PCDH9: variants seen among roughly 807,000 people sequenced by gnomAD.
The protein encoded by PCDH9 is protocadherin 9.
PCDH9 carries 24 observed loss-of-function variants against 70.6 expected under a neutral mutation model. That is an observed-to-expected ratio of 0.34 (90% CI 0.25 to 0.48). PCDH9 has a LOEUF of 0.48. Among genes scored for constraint, PCDH9 ranks in the 20% least tolerant of loss-of-function variants. PCDH9 has a pLI of 0.99. For missense variants in PCDH9, 1,281 were observed against 1,503.6 expected, an observed-to-expected ratio of 0.85 and a Z score of 2.45; for synonymous variants, 562 against 558.5, an observed-to-expected ratio of 1.01 and a Z score of -0.09.
intron 3 of PCDH9, among the ~76,000 whole-genome samples, chr13:66,808,909 C>G (rs980728143): frequency 6.6e-6 from 1 of 152,144 alleles, no homozygotes; most frequent in African/African-American, 2.4e-5. Context: ...TTTTGAGAAG[C>G]CCCACTAAAG....
chr13:67,194,476 GT>G (rs2089006038), intron 2 of PCDH9, among the ~76,000 whole-genome samples: 1 of 150,748 alleles, frequency 6.6e-6, no homozygotes, highest in Admixed American at 6.6e-5. Context: ...TTTAATATTT[GT>G]TCAGAGAATA....
In PCDH9 at chr13:66,514,893, A is replaced by T. The variant is rs909643257; in HGVS notation, c.3340+116317T>A. On this transcript the variant is annotated intron_variant, in intron 4 of 4. Coordinates refer to ENST00000377865, the MANE Select transcript of PCDH9 (RefSeq NM_203487.3). ...GAATTGAATTGAAGATAAACCCATA[A>T]TAGTCCATTTCATACAGAGACATTT... is the stretch of plus-strand genomic sequence containing the variant. Among the ~76,000 whole-genome samples, 6 of 152,214 alleles carry T rather than the reference A, an allele frequency of 3.9e-5. No homozygotes were observed. In the East Asian group the frequency reaches 9.6e-4, roughly 24 times the overall value.
chr13:67,000,130 C>T (rs1168300049), intron 2 of PCDH9, among the ~76,000 whole-genome samples: 1 of 152,060 alleles, frequency 6.6e-6, no homozygotes, highest in Non-Finnish European at 1.5e-5. Context: ...GGCACATATA[C>T]ACCATGGAAT....
chr13:66,906,790 T>C (rs755818884), intron 2 of PCDH9, among the ~76,000 whole-genome samples: 1 of 151,824 alleles, frequency 6.6e-6, no homozygotes, highest in African/African-American at 2.4e-5. Context: ...AGATTAACTA[T>C]TATAAATACC....
intron 2 of PCDH9, among the ~76,000 whole-genome samples, chr13:67,117,038 G>T (rs576637369): frequency 1.3e-5 from 2 of 152,092 alleles, no homozygotes; most frequent in East Asian, 3.9e-4. Context: ...GAGCTTTAAG[G>T]ATATATTCTT....
chr13:67,229,782 T>A lies in PCDH9; in HGVS notation c.-138A>T, dbSNP rs1021973119. 6.6e-6 allele frequency: 1 copy of A among 152,244 alleles called. No homozygotes were observed. Among genetic ancestry groups the A allele is most frequent in the Non-Finnish European group, 1.5e-5 (1 of 68,056 alleles). 9.4% of individuals were successfully genotyped at this position (152,244 alleles called of 1,614,324 possible). A position where few individuals can be genotyped will look rare whatever the true frequency, so the allele number is the denominator to read the frequency against. On this transcript the variant is annotated splice_region_variant and 5_prime_UTR_variant, in exon 1 of 5. Coordinates refer to ENST00000377865, the MANE Select transcript of PCDH9 (RefSeq NM_203487.3). The stretch of plus-strand genomic sequence containing the variant: ...TGCATGCGAAACTTTACACTTACGT[T>A]AGTTGCCTCAACCTTTCCCCTTTCC...
intron 3 of PCDH9, among the ~76,000 whole-genome samples, chr13:66,861,696 A>G (rs1020281003): frequency 2.6e-5 from 4 of 152,170 alleles, no homozygotes; most frequent in African/African-American, 4.8e-5. Flanking sequence ...CTTCCATTAC[A>G]TACAACTCAC....
At chr13:66,646,205 G>T (rs1220012378) in intron 3 of PCDH9, among the ~76,000 whole-genome samples, 1 of 152,136 alleles carries the variant, frequency 6.6e-6, no homozygotes, top group East Asian at 1.9e-4. Flanking sequence ...AACATAAACA[G>T]AGATGTAGTG....
At chr13:66,398,815 T>C (rs1006127649) in intron 4 of PCDH9, among the ~76,000 whole-genome samples, 14 of 152,104 alleles carry the variant, frequency 9.2e-5, no homozygotes, top group Admixed American at 2.0e-4. Context: ...AAAACAAATA[T>C]CAAAGATGAT....
chr13:66,913,547 G>C (rs1291276812), intron 2 of PCDH9, among the ~76,000 whole-genome samples: 4 of 151,950 alleles, frequency 2.6e-5, no homozygotes, highest in Admixed American at 6.6e-5. Context: ...ATCATCATCT[G>C]ACTTAGTTTC....
rs1262803095 is a variant in PCDH9, at chr13:66,590,869, C to G, written c.3340+40341G>C. 2.0e-5 allele frequency among the ~76,000 whole-genome samples: 3 copies of G among 151,682 alleles called. No homozygotes were observed. In the Admixed American group the frequency reaches 2.0e-4, roughly 10 times the overall value. ...CTCATATTGATTTATTCTCTTCTTT[C>G]ATTAAATATATAACAATAGCATATA... On this transcript the variant is annotated intron_variant, in intron 4 of 4. Transcript: ENST00000377865.
At chr13:66,626,380 G>A (rs1277003489) in intron 4 of PCDH9, among the ~76,000 whole-genome samples, 1 of 152,146 alleles carries the variant, frequency 6.6e-6, no homozygotes, top group Admixed American at 6.5e-5. Flanking sequence ...AGACATGGGA[G>A]TCCAAAGATA....
intron 2 of PCDH9, among the ~76,000 whole-genome samples, chr13:67,099,864 T>C (rs2086395953): frequency 6.6e-6 from 1 of 152,184 alleles, no homozygotes; most frequent in Non-Finnish European, 1.5e-5. Flanking sequence ...TTTGACACAT[T>C]GTTCTATTGC....
At chr13:66,889,894 C>A (rs976677755) in intron 3 of PCDH9, among the ~76,000 whole-genome samples, 1 of 152,098 alleles carries the variant, frequency 6.6e-6, no homozygotes, top group African/African-American at 2.4e-5. Flanking sequence ...TTCTGTGAAG[C>A]CATGGGGATG....
At chr13:66,513,716 A>G (rs145201522) in intron 4 of PCDH9, among the ~76,000 whole-genome samples, 354 of 152,038 alleles carry the variant, frequency 2.3e-3, no homozygotes, top group African/African-American at 8.2e-3. Context: ...AACCTTTCTT[A>G]AGTAAAAAAA....
In PCDH9 at chr13:66,682,541, C is replaced by T. The variant is rs551794873; in HGVS notation, c.3139-51130G>A. On this transcript the variant is annotated intron_variant, in intron 3 of 4. Coordinates refer to ENST00000377865, the MANE Select transcript of PCDH9 (RefSeq NM_203487.3). ...CAGCTCAGTTTCGGAGTTGAGTCCA[C>T]CCAAAGGCTTTGCACAAAAAGAGCA... Among the ~76,000 whole-genome samples the T allele has an allele frequency of 3.3e-5, 5 of 152,080 alleles. No homozygotes were observed. The East Asian group carries it at 9.7e-4, about 29-fold the overall frequency.
intron 4 of PCDH9, among the ~76,000 whole-genome samples, chr13:66,515,469 A>C (rs924892548): frequency 1.3e-5 from 2 of 152,002 alleles, no homozygotes; most frequent in African/African-American, 4.8e-5. Context: ...CATATAGGTA[A>C]AATTTTAAAA....
intron 2 of PCDH9, among the ~76,000 whole-genome samples, chr13:66,927,013 C>T (rs2082727517): frequency 1.3e-5 from 2 of 152,032 alleles, no homozygotes; most frequent in Non-Finnish European, 2.9e-5. Flanking sequence ...CTTTGACTCT[C>T]AGATGGTCAT....
At chr13:66,753,360 G>A (rs112362045) in intron 3 of PCDH9, among the ~76,000 whole-genome samples, 442 of 152,176 alleles carry the variant, frequency 2.9e-3, no homozygotes, top group African/African-American at 9.9e-3. Flanking sequence ...TAGAAGAGGC[G>A]TATCAAATGA....
Sources: gnomAD v4.1 joint callset for allele counts (sites outside exome capture counted in the v4.1 genomes callset) on GRCh38, gnomAD v4.1.1 for gene constraint, MANE v1.5 for transcripts, NCBI Gene and HGNC (gene_info 2026-07-23, HGNC 2026-07-21) for gene names.